ARMH1: variants seen among roughly 807,000 people sequenced by gnomAD.
ARMH1 encodes armadillo like helical domain containing 1, also known as armadillo-like helical domain containing protein 1.
A neutral mutation model predicts 50.2 loss-of-function variants in ARMH1; 34 were observed. The ratio of observed to expected loss-of-function variants is 0.68; its 90% CI spans 0.51 to 0.90. The LOEUF (loss-of-function observed/expected upper bound fraction) is 0.90, where lower values mean the gene tolerates loss of function less well. Ranked by LOEUF, ARMH1 falls within the 40% of genes least tolerant of loss-of-function variation. ARMH1 has a pLI of 0.00. For synonymous variants in ARMH1, 221 were observed against 224.2 expected, an observed-to-expected ratio of 0.99 and a Z score of 0.13; for missense variants, 538 against 553.9, an observed-to-expected ratio of 0.97 and a Z score of 0.29.
chr1:44,706,673 T>C (rs1219132242), intron 6 of ARMH1, among the ~76,000 whole-genome samples: 1 of 152,136 alleles, frequency 6.6e-6, no homozygotes, highest in East Asian at 1.9e-4. Flanking sequence ...CCCTGCAAGG[T>C]CTGTGTGCAT....
intron 4 of ARMH1, among the ~76,000 whole-genome samples, chr1:44,699,832 ATTT>A (rs771770605): frequency 2.5e-5 from 3 of 121,624 alleles, no homozygotes; most frequent in Admixed American, 8.3e-5. Context: ...TTCTTTTTCT[ATTT>A]TTTTTTTTTT....
chr1:44,719,949 C>T (rs1355929977), intron 6 of ARMH1, among the ~76,000 whole-genome samples: 1 of 152,160 alleles, frequency 6.6e-6, no homozygotes, highest in Admixed American at 6.5e-5. Context: ...AATCCCAACA[C>T]TTTGGGAGGC....
chr1:44,678,348 A>G (rs1429688067), intron 1 of ARMH1, among the ~76,000 whole-genome samples: 1 of 150,250 alleles, frequency 6.7e-6, no homozygotes, highest in African/African-American at 2.5e-5. Flanking sequence ...TAGGAAGGAG[A>G]TGGGGGAAAG....
intron 5 of ARMH1, among the ~76,000 whole-genome samples, chr1:44,703,828 G>A (rs1646209611): frequency 6.6e-6 from 1 of 150,716 alleles, no homozygotes; most frequent in South Asian, 2.1e-4. Flanking sequence ...CCGGGTTCAC[G>A]CCATTCTCCT....
Position 44,681,955 on chromosome 1 carries a change from T to G in ARMH1, c.-23+7082T>G, listed in dbSNP as rs756475718. On this transcript the variant is annotated intron_variant, in intron 1 of 11. Transcript: ENST00000535358. This position sits in a 1 kb window ranked among gnomAD's most constrained non-coding sequence, Gnocchi z 4.3. ...GTGCGCCAACAGAACCTGGGATATATCCCATCAGAGCGCTCTCCACTGTTC... is the reference window on the plus strand; with the variant it reads ...GTGCGCCAACAGAACCTGGGATATAGCCCATCAGAGCGCTCTCCACTGTTC... Among the ~76,000 whole-genome samples the G allele has an allele frequency of 5.3e-5, 8 of 152,242 alleles. No homozygotes were observed. The highest frequency in any genetic ancestry group is 8.8e-5 in the Non-Finnish European group (6 of 68,020).
chr1:44,721,544 CCTAAATGTTTA>C (rs1290468013), intron 6 of ARMH1, among the ~76,000 whole-genome samples: 2 of 152,028 alleles, frequency 1.3e-5, no homozygotes, highest in Non-Finnish European at 2.9e-5. Flanking sequence ...CATTTAGCTT[CCTAAATGTTTA>C]CAAGAAGCTA....
chr1:44,699,905 C>T (rs1231860077), intron 4 of ARMH1, among the ~76,000 whole-genome samples: 1 of 151,264 alleles, frequency 6.6e-6, no homozygotes, highest in Non-Finnish European at 1.5e-5. Flanking sequence ...TCTCAGCTCA[C>T]TACAACCTCC....
At chr1:44,679,524 T>C (rs1240142978) in intron 1 of ARMH1, among the ~76,000 whole-genome samples, 4 of 152,280 alleles carry the variant, frequency 2.6e-5, no homozygotes, top group Non-Finnish European at 5.9e-5. Flanking sequence ...GCCATTTGGC[T>C]GCAGCTAAAT....
At chr1:44,702,825 C>T (rs1646151750) in intron 5 of ARMH1, among the ~76,000 whole-genome samples, 1 of 151,836 alleles carries the variant, frequency 6.6e-6, no homozygotes, top group African/African-American at 2.4e-5. Flanking sequence ...AGGACATGAT[C>T]AGCTGGGGTC....
rs1290901826 is a variant in ARMH1 at position 44,697,175 on chromosome 1, GT to G, written c.275+7del. 1 of 1,550,674 alleles carries G rather than the reference GT, an allele frequency of 6.4e-7. No individual in the cohort carries two copies. Among genetic ancestry groups the G allele is most frequent in the Non-Finnish European group, 8.7e-7 (1 of 1,145,760 alleles). On this transcript the variant is annotated splice_donor_region_variant and intron_variant, in intron 3 of 11. Coordinates refer to ENST00000535358, the MANE Select transcript of ARMH1 (RefSeq NM_001145636.2). ...CTTCTTATCAGCTGTAAGCAGGTGA[GT>G]TCTGTTCTAGCGTGATTCTGGGGGT... is the stretch of plus-strand genomic sequence containing the variant.
intron 2 of ARMH1, among the ~76,000 whole-genome samples, chr1:44,694,470 T>G (rs186372581): frequency 6.6e-6 from 1 of 152,042 alleles, no homozygotes; most frequent in Admixed American, 6.6e-5. Flanking sequence ...TATTAAATGA[T>G]AAAATTAGTT....
rs114369447 is a variant in ARMH1 at position 44,701,224 on chromosome 1, C to T, written c.639+105C>T. On this transcript the variant is annotated intron_variant, in intron 5 of 11. Transcript: ENST00000535358. ...ACAGGCATGAGAAACGGAGCTCAGC[C>T]TCCCACTGCATGTCTGTTGTTCAAT... The T allele has an allele frequency of 6.5e-4, 721 of 1,114,230 alleles. 2 individuals are homozygous for T. In the African/African-American group the frequency reaches 0.011, roughly 16 times the overall value. 69.0% of individuals were successfully genotyped at this position (1,114,230 alleles called of 1,614,324 possible). A position where few individuals can be genotyped will look rare whatever the true frequency, so the allele number is the denominator to read the frequency against.
chr1:44,689,920 A>G lies in ARMH1; in HGVS notation c.206+17A>G. On this transcript the variant is annotated intron_variant, in intron 2 of 11. Transcript: ENST00000535358. ...TAGAATCACGTATCCTTTACTGAAC[A>G]GAAAAAAAAAAATTAGGCACCGGGC... The G allele has an allele frequency of 1.3e-6, 2 of 1,547,040 alleles. No homozygotes were observed. The highest frequency in any genetic ancestry group is 1.2e-5 in the South Asian group (1 of 83,740).
intron 6 of ARMH1, among the ~76,000 whole-genome samples, chr1:44,710,282 T>G (rs1297977226): frequency 1.3e-5 from 2 of 152,050 alleles, no homozygotes; most frequent in Non-Finnish European, 2.9e-5. Flanking sequence ...TTACTTAGGT[T>G]CCTAATTCTA....
Position 44,724,971 on chromosome 1 carries a change from T to G in ARMH1, c.1128+132T>G. The G allele has an allele frequency of 6.7e-7, 1 of 1,497,774 alleles. No homozygotes were observed. The highest frequency in any genetic ancestry group is 8.9e-7 in the Non-Finnish European group (1 of 1,120,716). 92.8% of individuals were successfully genotyped at this position (1,497,774 alleles called of 1,614,324 possible). A position where few individuals can be genotyped will look rare whatever the true frequency, so the allele number is the denominator to read the frequency against. On this transcript the variant is annotated intron_variant, in intron 10 of 11. Transcript: ENST00000535358. The surrounding 1 kb of genome is among the most constrained non-coding windows in gnomAD (Gnocchi z 6.4). Reference sequence around the variant, plus strand: ...CCTGGCCACCAGCTGCAGGAGGGACTGCTCTGGCGTAGGCTCCTCCACCCG... The same window carrying G: ...CCTGGCCACCAGCTGCAGGAGGGACGGCTCTGGCGTAGGCTCCTCCACCCG...
At position 44,681,085 on chromosome 1, in the gene ARMH1, C is replaced by T. The variant is rs542279172; in HGVS notation, c.-23+6212C>T. On this transcript the variant is annotated intron_variant, in intron 1 of 11. Transcript: ENST00000535358. The surrounding 1 kb of genome is among the most constrained non-coding windows in gnomAD (Gnocchi z 4.3). ...TCTCGGCTCACTGCAAGCTCCACCT[C>T]CCGGGTTCACGCCATTCTCCTGCCT... Among the ~76,000 whole-genome samples the T allele has an allele frequency of 9.2e-5, 14 of 151,536 alleles. No individual in the cohort carries two copies. The East Asian group carries it at 2.7e-3, about 30-fold the overall frequency.
At chr1:44,687,069 C>G (rs1186218299) in intron 1 of ARMH1, among the ~76,000 whole-genome samples, 1 of 152,112 alleles carries the variant, frequency 6.6e-6, no homozygotes, top group Non-Finnish European at 1.5e-5. Context: ...GCTAGAGCTG[C>G]CATAACAAAG....
chr1:44,688,642 T>C (rs564531700), intron 1 of ARMH1, among the ~76,000 whole-genome samples: 2 of 152,324 alleles, frequency 1.3e-5, no homozygotes, highest in South Asian at 2.1e-4. Flanking sequence ...GAAAACTCCA[T>C]GATAATGTGA....
chr1:44,711,900 CCA>C (rs1277452061), intron 6 of ARMH1, among the ~76,000 whole-genome samples: 2 of 152,138 alleles, frequency 1.3e-5, no homozygotes, highest in South Asian at 2.1e-4. Context: ...ATTTTCATCC[CCA>C]GTTTACAGAT....
Sources: allele counts gnomAD v4.1 joint callset (sites outside exome capture counted in the v4.1 genomes callset), GRCh38; gene constraint gnomAD v4.1.1; non-coding constraint Gnocchi (gnomAD v3.1); transcripts MANE v1.5; gene names NCBI Gene and HGNC (gene_info 2026-07-23, HGNC 2026-07-21).